Variants in ANKRD50 observed in about 807,000 individuals in gnomAD.
ANKRD50 encodes the protein ankyrin repeat domain 50.
A neutral mutation model predicts 112.0 loss-of-function variants in ANKRD50; 40 were observed. The observed-to-expected ratio is 0.36, with a 90% CI of 0.28 to 0.46. The LOEUF (loss-of-function observed/expected upper bound fraction) is 0.46. Among genes scored for constraint, ANKRD50 ranks in the 20% least tolerant of loss-of-function variants. The probability of loss-of-function intolerance (pLI) is 1.00; values close to 1 mark genes in which losing one functional copy is unlikely to be tolerated. For synonymous variants in ANKRD50, 613 were observed against 619.1 expected (o/e 0.99, Z 0.15); for missense variants, 1,487 against 1,701.7 (o/e 0.87, Z 2.22).
intron 3 of ANKRD50, among the ~76,000 whole-genome samples, chr4:124,673,789 A>G (rs1165262135): frequency 1.3e-5 from 2 of 152,128 alleles, no homozygotes; most frequent in East Asian, 3.9e-4. Flanking sequence ...TGAAAAATTA[A>G]AAACAACCTA....
chr4:124,699,835 T>C (rs1454033069), intron 2 of ANKRD50, among the ~76,000 whole-genome samples: 1 of 151,426 alleles, frequency 6.6e-6, no homozygotes, highest in African/African-American at 2.4e-5. Flanking sequence ...CAATAAAAAT[T>C]ACCAGTGTGA....
intron 2 of ANKRD50, among the ~76,000 whole-genome samples, chr4:124,700,651 G>A (rs763141642): frequency 5.9e-5 from 9 of 152,120 alleles, no homozygotes; most frequent in Admixed American, 1.3e-4. Flanking sequence ...CTTCTGTATC[G>A]TTAGCTATTT....
At chr4:124,676,501 C>A (rs1021057402) in intron 3 of ANKRD50, among the ~76,000 whole-genome samples, 1 of 151,362 alleles carries the variant, frequency 6.6e-6, no homozygotes, top group Non-Finnish European at 1.5e-5. Context: ...AGTACACAGA[C>A]ATATCTATAT....
chr4:124,670,093 G>T lies in ANKRD50; in HGVS notation c.3184C>A (p.Gln1062Lys), dbSNP rs1285903248. ...TCAGCACCATGCTCTAATAAGACCT[G>T]AACAACATCAATGTGCCCTTCCTGG... ...AAQEGHIDVV[Q>K]VLLEHGADPN... The change falls in exon 4 of 5, where the codon CAG (glutamine) becomes AAG (lysine). Residue 1062 changes from glutamine to lysine, a missense_variant. Gln to Lys is a moderately conservative substitution (Grantham distance 53). This residue lies in a region of ANKRD50 where 441 missense variants were observed against 432.2 expected (regional missense o/e 1.02). Transcript: ENST00000504087. 6.2e-7 allele frequency: 1 copy of T among 1,613,374 alleles called. No homozygotes were observed. Among genetic ancestry groups the T allele is most frequent in the Non-Finnish European group, 8.5e-7 (1 of 1,179,796 alleles).
rs1011406558 is a variant in ANKRD50 at position 124,679,235 on chromosome 4, G to A, written c.513-330C>T. Among the ~76,000 whole-genome samples, 10 of 152,226 alleles carry A rather than the reference G, an allele frequency of 6.6e-5. 1 individual carries two copies. In the South Asian group the frequency reaches 8.3e-4, roughly 13 times the overall value. ...TTGTTTTGAGTCAGTGATAAAAAGC[G>A]TGATTTCCTTATGACAAAGCTAAAA... On this transcript the variant is annotated intron_variant, in intron 2 of 4. Coordinates refer to ENST00000504087, the MANE Select transcript of ANKRD50 (RefSeq NM_020337.3).
In ANKRD50 at chr4:124,700,232, G is replaced by A. The variant is rs186325730; in HGVS notation, c.512+9768C>T. ...CATGGCTTATTTCAGAACATAATAA[G>A]GGCAATGTCGATGAAGAGCAATGTG... On this transcript the variant is annotated intron_variant, in intron 2 of 4. Coordinates refer to ENST00000504087, the MANE Select transcript of ANKRD50 (RefSeq NM_020337.3). 1.2e-3 allele frequency among the ~76,000 whole-genome samples: 187 copies of A among 152,268 alleles called. 2 individuals carry two copies. Among genetic ancestry groups the A allele is most frequent in the Non-Finnish European group, 7.1e-4 (48 of 68,010 alleles).
At chr4:124,702,006 G>A (rs1725404521) in intron 2 of ANKRD50, among the ~76,000 whole-genome samples, 1 of 152,074 alleles carries the variant, frequency 6.6e-6, no homozygotes, top group Admixed American at 6.6e-5. Context: ...TCATATAAAG[G>A]TTTTATTAAA....
chr4:124,673,919 T>C (rs578035766), intron 3 of ANKRD50, among the ~76,000 whole-genome samples: 2 of 152,140 alleles, frequency 1.3e-5, no homozygotes, highest in Non-Finnish European at 2.9e-5. Context: ...ACACACACAA[T>C]TGATTATTAA....
chr4:124,681,722 C>T (rs1724891526), intron 2 of ANKRD50, among the ~76,000 whole-genome samples: 1 of 152,124 alleles, frequency 6.6e-6, no homozygotes, highest in Non-Finnish European at 1.5e-5. Flanking sequence ...CTCTTCTTTA[C>T]CTAGTTTCTT....
chr4:124,695,588 T>C (rs913462957), intron 2 of ANKRD50, among the ~76,000 whole-genome samples: 4 of 152,136 alleles, frequency 2.6e-5, no homozygotes, highest in Non-Finnish European at 5.9e-5. Flanking sequence ...CGTAGTATCT[T>C]GGAAACAAAA....
In ANKRD50 at chr4:124,686,413, C is replaced by G. The variant is rs182294149; in HGVS notation, c.513-7508G>C. On this transcript the variant is annotated intron_variant, in intron 2 of 4. Coordinates refer to ENST00000504087, the MANE Select transcript of ANKRD50 (RefSeq NM_020337.3). ...GATAAAGAGCGTTCACACTCGCTTG[C>G]TGCCTTTTCTCTACTGACCCCTTAG... Among the ~76,000 whole-genome samples, 5 of 152,250 alleles carry G rather than the reference C, an allele frequency of 3.3e-5. No homozygotes were observed. The East Asian group carries it at 9.7e-4, about 29-fold the overall frequency.
chr4:124,684,827 T>A (rs1012698045), intron 2 of ANKRD50, among the ~76,000 whole-genome samples: 1 of 152,224 alleles, frequency 6.6e-6, no homozygotes, highest in African/African-American at 2.4e-5. Context: ...GATTCATTCC[T>A]AAGTCCTCCT....
chr4:124,693,450 T>C (rs560623921), intron 2 of ANKRD50, among the ~76,000 whole-genome samples: 8 of 152,146 alleles, frequency 5.3e-5, no homozygotes, highest in Non-Finnish European at 7.4e-5. Context: ...AAGGGTCTAA[T>C]TACCTATAGC....
At chr4:124,696,709 A>G (rs1725261575) in intron 2 of ANKRD50, among the ~76,000 whole-genome samples, 1 of 152,200 alleles carries the variant, frequency 6.6e-6, no homozygotes, top group Non-Finnish European at 1.5e-5. Context: ...AATGAAAAAC[A>G]ATGCCATTAA....
At chr4:124,678,381 T>C (rs544460979) in intron 3 of ANKRD50, among the ~76,000 whole-genome samples, 1 of 152,142 alleles carries the variant, frequency 6.6e-6, no homozygotes, top group Admixed American at 6.5e-5. Context: ...AAGGTTTAAA[T>C]TGATCATGAT....
At position 124,710,207 on chromosome 4, in the gene ANKRD50, C is replaced by G; in HGVS notation, c.305G>C (p.Gly102Ala). Residue 102 changes from glycine (G) to alanine (A), a missense_variant, in exon 2 of 5, where the codon GGT (glycine) becomes GCT (alanine). By Grantham distance (60) the Gly-to-Ala change is moderately conservative. Around this residue, in one of 2 missense-constraint regions of ANKRD50, gnomAD observed 1,046 missense variants for 1,269.5 expected, o/e 0.82. Transcript: ENST00000504087. ...AAAGGCCAAAGCTTGGCGATGTAAA[C>G]CTCTCTGCAAACTTGCAGGTGAACT... ...WPSSPASLQR[G>A]LHRQALAFHF... is the part of the protein sequence containing the mutation. The G allele has an allele frequency of 6.2e-7, 1 of 1,614,200 alleles. No individual in the cohort carries two copies. Among genetic ancestry groups the G allele is most frequent in the Non-Finnish European group, 8.5e-7 (1 of 1,180,042 alleles).
chr4:124,707,619 T>C (rs1486052517), intron 2 of ANKRD50, among the ~76,000 whole-genome samples: 2 of 152,206 alleles, frequency 1.3e-5, no homozygotes, highest in East Asian at 3.9e-4. Context: ...GACTCAGGTT[T>C]TTGAAAAGTC....
At position 124,670,118 on chromosome 4, in the gene ANKRD50, G is replaced by A. The variant is rs1730601824; in HGVS notation, c.3159C>T (p.Ala1053=). The part of the protein sequence containing the change: ...NQGATALCIA[A]QEGHIDVVQV... ...GAACAACATCAATGTGCCCTTCCTGGGCTGCAATACAGAGTGCAGTTGCAC... is the reference window on the plus strand; with the variant it reads ...GAACAACATCAATGTGCCCTTCCTGAGCTGCAATACAGAGTGCAGTTGCAC... Residue 1053 remains alanine, a synonymous_variant, in exon 4 of 5, where the codon GCC becomes GCT. Coordinates refer to ENST00000504087, the MANE Select transcript of ANKRD50 (RefSeq NM_020337.3). 1 of 1,613,180 alleles carries A rather than the reference G, an allele frequency of 6.2e-7. No homozygotes were observed. The highest frequency in any genetic ancestry group is 8.5e-7 in the Non-Finnish European group (1 of 1,179,690).
At chr4:124,712,351 C>T (rs1578600248) in intron 1 of ANKRD50, 107 bp downstream of exon 1, 2 of 153,274 alleles carry the variant, frequency 1.3e-5, no homozygotes, top group African/African-American at 2.4e-5. Flanking sequence ...GGCTCGAGGC[C>T]GGAGAGGGTG....
Sources: allele counts gnomAD v4.1 joint callset (sites outside exome capture counted in the v4.1 genomes callset), GRCh38; gene constraint gnomAD v4.1.1; regional missense constraint gnomAD v4.1.1; transcripts MANE v1.5; gene names NCBI Gene and HGNC (gene_info 2026-07-23, HGNC 2026-07-21).